Variants in DOCK8 observed in about 807,000 individuals in gnomAD.
DOCK8 encodes dedicator of cytokinesis protein 8.
In DOCK8, 141 loss-of-function variants were observed where a neutral mutation model predicts 245.6. The observed-to-expected ratio is 0.57, with a 90% confidence interval of 0.50 to 0.66. The LOEUF (loss-of-function observed/expected upper bound fraction) is 0.66, where lower values mean the gene tolerates loss of function less well. DOCK8 is among the 30% of genes least tolerant of loss of function. DOCK8 has a pLI of 0.00. For synonymous variants in DOCK8, 1,168 were observed against 970.2 expected, an observed-to-expected ratio of 1.20 and a Z score of -3.79; for missense variants, 2,965 against 2,603.4, an observed-to-expected ratio of 1.14 and a Z score of -3.02.
At chr9:218,807 A>C (rs1455742339) in intron 1 of DOCK8, among the ~76,000 whole-genome samples, 5 of 152,268 alleles carry the variant, frequency 3.3e-5, no homozygotes, top group Non-Finnish European at 7.3e-5. Context: ...CAGGATTGAA[A>C]GGAAGAAAAA....
intron 25 of DOCK8, among the ~76,000 whole-genome samples, chr9:398,004 G>A (rs1167374404): frequency 6.6e-6 from 1 of 152,150 alleles, no homozygotes; most frequent in Non-Finnish European, 1.5e-5. Flanking sequence ...AAAAATCTTA[G>A]GAAGCAATGT....
upstream of DOCK8, chr9:214,326 T>G: frequency 1.6e-6 from 1 of 612,602 alleles, no homozygotes; most frequent in Non-Finnish European, 2.7e-6. Flanking sequence ...AAAACATTTT[T>G]TGAGAACTCA....
At chr9:231,475 T>A (rs554872259) in intron 1 of DOCK8, among the ~76,000 whole-genome samples, 4 of 152,328 alleles carry the variant, frequency 2.6e-5, no homozygotes, top group Non-Finnish European at 4.4e-5. Flanking sequence ...GGCTTGAATC[T>A]CTAAATTACC....
intron 14 of DOCK8, among the ~76,000 whole-genome samples, chr9:360,539 C>G (rs1035734183): frequency 6.6e-6 from 1 of 152,144 alleles, no homozygotes; most frequent in African/African-American, 2.4e-5. Flanking sequence ...AAATTTTTGC[C>G]TTCAGGTTAA....
At position 399,173 on chromosome 9, in the gene DOCK8, A is replaced by G; in HGVS notation, c.3148A>G (p.Ile1050Val). 1 of 1,613,818 alleles carries G rather than the reference A, an allele frequency of 6.2e-7. No homozygotes were observed. Among genetic ancestry groups the G allele is most frequent in the Non-Finnish European group, 8.5e-7 (1 of 1,179,902 alleles). ...AAATGAACAGGCGGAAAAGATGAAC[A>G]TCAGCCTGGCTTTCTTCTTGTATGA... ...KENEQAEKMNISLAFFLYDLL... is the reference protein window; with the variant it reads ...KENEQAEKMNVSLAFFLYDLL... Residue 1050 changes from isoleucine (I) to valine (V), a missense_variant, in exon 26 of 48, where the codon ATC (isoleucine) becomes GTC (valine). Physicochemically the swap from Ile to Val is conservative, Grantham distance 29 (BLOSUM62 3). Coordinates refer to ENST00000432829, the MANE Select transcript of DOCK8 (RefSeq NM_203447.4).
chr9:377,138 G>C lies in DOCK8; in HGVS notation c.2367G>C (p.Val789=). The C allele has an allele frequency of 6.2e-7, 1 of 1,608,052 alleles. No individual in the cohort carries two copies. The highest frequency in any genetic ancestry group is 8.5e-7 in the Non-Finnish European group (1 of 1,179,732). ...CLNSSRLEPL[V]LFLHLVLDKL... is the part of the protein sequence containing the mutation. ...ACTCCTCCCGCCTGGAGCCGCTCGT[G>C]CTCTTCCTGCACCTGGTGCTGGACA... Residue 789 remains valine, a synonymous_variant, in exon 20 of 48, where the codon GTG becomes GTC. Coordinates refer to ENST00000432829, the MANE Select transcript of DOCK8 (RefSeq NM_203447.4).
At chr9:266,975 C>A (rs2048047965) in intron 1 of DOCK8, among the ~76,000 whole-genome samples, 1 of 152,164 alleles carries the variant, frequency 6.6e-6, no homozygotes, top group South Asian at 2.1e-4. Flanking sequence ...GGAAACGGAA[C>A]CTGTGCAAAC....
intron 29 of DOCK8, among the ~76,000 whole-genome samples, chr9:416,991 G>A (rs1056945896): frequency 1.3e-5 from 2 of 152,180 alleles, no homozygotes; most frequent in Non-Finnish European, 2.9e-5. Context: ...GCCTTAATAA[G>A]TATTTCTAAA....
At chr9:428,608 C>A (rs2056588918) in intron 35 of DOCK8, 112 bp downstream of exon 35, 1 of 1,345,572 alleles carries the variant, frequency 7.4e-7, no homozygotes, top group Non-Finnish European at 1.0e-6. Flanking sequence ...TAAGTGGCAT[C>A]ACAGTAAAGG....
chr9:253,249 A>G (rs1241655878), intron 1 of DOCK8, among the ~76,000 whole-genome samples: 2 of 152,188 alleles, frequency 1.3e-5, no homozygotes, highest in Non-Finnish European at 2.9e-5. Flanking sequence ...TTTAGTTTGT[A>G]TGTTATTCTC....
At chr9:364,111 A>G (rs1227401040) in intron 14 of DOCK8, among the ~76,000 whole-genome samples, 1 of 152,198 alleles carries the variant, frequency 6.6e-6, no homozygotes, top group Admixed American at 6.5e-5. Flanking sequence ...GCAGAGGGGC[A>G]TGATATATAA....
intron 1 of DOCK8, among the ~76,000 whole-genome samples, chr9:228,303 G>A (rs1330311178): frequency 6.6e-6 from 1 of 152,106 alleles, no homozygotes. Context: ...GAGACCCTGT[G>A]CTGTCTAATA....
chr9:421,520 A>G (rs1183414132), intron 32 of DOCK8, among the ~76,000 whole-genome samples: 6 of 152,164 alleles, frequency 3.9e-5, no homozygotes, highest in African/African-American at 1.4e-4. Flanking sequence ...GTTCCCTGAA[A>G]TGGCTTCAGA....
chr9:425,280 C>T (rs1420054108), intron 33 of DOCK8, among the ~76,000 whole-genome samples: 1 of 152,118 alleles, frequency 6.6e-6, no homozygotes, highest in Non-Finnish European at 1.5e-5. Context: ...CACCTGTAAT[C>T]CCAGCACTTT....
At chr9:376,498 G>A (rs561410367) in intron 19 of DOCK8, among the ~76,000 whole-genome samples, 193 bp downstream of exon 19, 27 of 152,276 alleles carry the variant, frequency 1.8e-4, no homozygotes, top group African/African-American at 3.4e-4. Context: ...CAAAACCGCC[G>A]AGCACCTAAA....
chr9:247,443 T>G (rs1352539691), intron 1 of DOCK8, among the ~76,000 whole-genome samples: 1 of 152,252 alleles, frequency 6.6e-6, no homozygotes, highest in Non-Finnish European at 1.5e-5. Flanking sequence ...TGTCATTTTT[T>G]AAATATTCAA....
chr9:344,249 C>T (rs947033851), intron 14 of DOCK8, among the ~76,000 whole-genome samples: 1 of 152,158 alleles, frequency 6.6e-6, no homozygotes, highest in African/African-American at 2.4e-5. Context: ...GCTCTCAGGC[C>T]ACCATATTTT....
intron 26 of DOCK8, among the ~76,000 whole-genome samples, chr9:403,928 ATGTGTATATATATATG>A (rs2055261756): frequency 4.0e-5 from 3 of 74,088 alleles, no homozygotes; most frequent in African/African-American, 8.5e-5. Flanking sequence ...ATATATATAT[ATGTGTATATATATATG>A]TGTATATATA....
chr9:213,490 A>G (rs1213974766), upstream of DOCK8: 4 of 152,340 alleles, frequency 2.6e-5, no homozygotes, highest in East Asian at 7.7e-4. Context: ...GGTGAAATTA[A>G]CTTTAATAAT....
Sources: gnomAD v4.1 joint callset for allele counts (sites outside exome capture counted in the v4.1 genomes callset) on GRCh38, gnomAD v4.1.1 for gene constraint, MANE v1.5 for transcripts, NCBI Gene and HGNC (gene_info 2026-07-23, HGNC 2026-07-21) for gene names.